The following MTA1 variants were observed in gnomAD, a reference collection of about 807,000 sequenced individuals.
MTA1 encodes the protein metastasis-associated protein MTA1.
Under a neutral mutation model 97.0 loss-of-function variants are expected in MTA1, and 15 were observed. The observed-to-expected ratio is 0.15, with a 90% CI of 0.10 to 0.24. The LOEUF (loss-of-function observed/expected upper bound fraction) is 0.24, where lower values mean the gene tolerates loss of function less well. Among genes scored for constraint, MTA1 ranks in the 10% least tolerant of loss-of-function variants. MTA1 has a pLI of 1.00. For synonymous variants in MTA1, 435 were observed against 417.5 expected (o/e 1.04, Z -0.51); for missense variants, 709 against 1,015.1 (o/e 0.70, Z 4.10).
intron 1 of MTA1, among the ~76,000 whole-genome samples, chr14:105,435,706 G>C (rs1182924957): frequency 2.0e-5 from 3 of 152,194 alleles, no homozygotes; most frequent in Non-Finnish European, 4.4e-5. Flanking sequence ...CAGAGTTCTT[G>C]TTGTTGTATT....
At chr14:105,448,978 C>T (rs1463173596) in intron 3 of MTA1, 2 of 193,294 alleles carry the variant, frequency 1.0e-5, no homozygotes, top group African/African-American at 4.7e-5. Flanking sequence ...TTATAAGAAC[C>T]CTACTTGGGT....
At chr14:105,458,743 C>T (rs587609329) in intron 8 of MTA1, among the ~76,000 whole-genome samples, 5 of 152,208 alleles carry the variant, frequency 3.3e-5, no homozygotes, top group Admixed American at 6.5e-5. Flanking sequence ...TGGGGCAGGG[C>T]GAAGGCCGAG....
intron 3 of MTA1, 112 bp downstream of exon 3, chr14:105,445,623 C>G (rs1228885558): frequency 9.7e-7 from 1 of 1,031,776 alleles, no homozygotes; most frequent in Admixed American, 2.0e-5. Flanking sequence ...TGGGGCCACC[C>G]TCTGCCCAAC....
chr14:105,465,549 C>T (rs1042066200), intron 16 of MTA1: 9 of 176,084 alleles, frequency 5.1e-5, no homozygotes, highest in Non-Finnish European at 9.5e-5. Flanking sequence ...GGTGCACACC[C>T]CTGCCTGTAA....
At chr14:105,451,762 C>T (rs587632530) in intron 6 of MTA1, among the ~76,000 whole-genome samples, 14 of 148,056 alleles carry the variant, frequency 9.5e-5, no homozygotes, top group Non-Finnish European at 1.6e-4. Context: ...GCCCTTCCCC[C>T]CTTTTTCTTT....
intron 3 of MTA1, chr14:105,449,090 G>A: frequency 2.2e-6 from 1 of 452,732 alleles, no homozygotes; most frequent in Non-Finnish European, 3.9e-6. Flanking sequence ...GGGGGCAGGG[G>A]TGGCCTCTGG....
rs377734033 is a variant in MTA1, at chr14:105,445,397, G to A, written c.97-21G>A. On this transcript the variant is annotated intron_variant, in intron 2 of 20. Transcript: ENST00000331320. The stretch of plus-strand genomic sequence containing the variant: ...CCGGGTTTGGTCGCGTTTCTCAGAC[G>A]CCCCTGCCTTGCTGTTACAGACGGC... 58 of 1,610,680 alleles carry A rather than the reference G, an allele frequency of 3.6e-5. 1 individual carries two copies. The East Asian group carries it at 4.5e-4, about 12-fold the overall frequency.
chr14:105,431,657 G>A lies in MTA1; in HGVS notation c.29-7015G>A, dbSNP rs112971543. On this transcript the variant is annotated intron_variant, in intron 1 of 20. Coordinates refer to ENST00000331320, the MANE Select transcript of MTA1 (RefSeq NM_004689.4). Reference sequence around the variant, plus strand: ...TTTTTACTTTTTGAGGTGGAGTCTCGCCCTGTTGCCCAGGCAGCAGTGCAG... The same window carrying A: ...TTTTTACTTTTTGAGGTGGAGTCTCACCCTGTTGCCCAGGCAGCAGTGCAG... 4.6e-5 allele frequency among the ~76,000 whole-genome samples: 7 copies of A among 152,090 alleles called. No individual in the cohort carries two copies. In the East Asian group the frequency reaches 5.8e-4, roughly 13 times the overall value.
At position 105,466,760 on chromosome 14, in the gene MTA1, G is replaced by A. The variant is rs782687626; in HGVS notation, c.1813+18G>A. On this transcript the variant is annotated intron_variant, in intron 18 of 20. Transcript: ENST00000331320. Reference sequence around the variant, plus strand: ...CAGTAGGGGTAAGGCCTGGAGCCGCGGGCGGGCGCTGCGCCGGCCCCGCCC... The same window carrying A: ...CAGTAGGGGTAAGGCCTGGAGCCGCAGGCGGGCGCTGCGCCGGCCCCGCCC... 7.7e-6 allele frequency: 12 copies of A among 1,566,092 alleles called. 1 individual carries two copies. The highest frequency in any genetic ancestry group is 2.2e-4 in the Middle Eastern group (1 of 4,454).
In MTA1 at chr14:105,464,805, G is replaced by C; in HGVS notation, c.1476G>C (p.Pro492=). 1 of 1,604,084 alleles carries C rather than the reference G, an allele frequency of 6.2e-7. No individual in the cohort carries two copies. Among genetic ancestry groups the C allele is most frequent in the Non-Finnish European group, 8.5e-7 (1 of 1,173,300 alleles). Residue 492 remains proline, a synonymous_variant, in exon 15 of 21, where the codon CCG becomes CCC. Transcript: ENST00000331320. ...GCCTGTGCCGTGAGATCCTGCGCCC[G>C]TGGCACGCTGCGCGGCACCCCTACC... ...ARRLCREILR[P]WHAARHPYLP... is the part of the protein sequence containing the mutation.
At chr14:105,466,630 GGCCCGTCCCC>G in intron 17 of MTA1, 52 bp downstream of exon 17, 1 of 1,576,902 alleles carries the variant, frequency 6.3e-7, no homozygotes, top group Non-Finnish European at 8.6e-7. Context: ...CGGTGAGTCC[GGCCCGTCCCC>G]GCCCGGGCAC....
At position 105,445,594 on chromosome 14, in the gene MTA1, C is replaced by T. The variant is rs587657638; in HGVS notation, c.190+83C>T. 9.9e-5 allele frequency: 141 copies of T among 1,426,064 alleles called. 2 individuals are homozygous for T. The South Asian group carries it at 1.6e-3, about 16-fold the overall frequency. 88.3% of individuals were successfully genotyped at this position (1,426,064 alleles called of 1,614,324 possible). On this transcript the variant is annotated intron_variant, in intron 3 of 20. Coordinates refer to ENST00000331320, the MANE Select transcript of MTA1 (RefSeq NM_004689.4). ...GGCGGGGTCCTTCTTCCCTAGGGCC[C>T]ATCGGCATCCTGGCCTCGTGGGGCC... is the stretch of plus-strand genomic sequence containing the variant.
chr14:105,468,443 C>T (rs1350441084), intron 18 of MTA1: 41 of 1,179,148 alleles, frequency 3.5e-5, no homozygotes, highest in Non-Finnish European at 4.3e-5. Context: ...TTGGGAGCGC[C>T]GCAGATCAGG....
intron 2 of MTA1, among the ~76,000 whole-genome samples, chr14:105,441,025 C>A (rs782239731): frequency 6.6e-6 from 1 of 152,198 alleles, no homozygotes; most frequent in African/African-American, 2.4e-5. Context: ...GACTGGGCAA[C>A]CTGAGAGGCC....
Position 105,422,907 on chromosome 14 carries a change from G to T in MTA1, c.28+2844G>T, listed in dbSNP as rs1037748275. ...AGCGGATGGCCTGGGCAAGGGTGGC[G>T]GGGTCAGGGTTCCCTGACCTCTGCT... On this transcript the variant is annotated intron_variant, in intron 1 of 20. Transcript: ENST00000331320. The surrounding 1 kb of genome is among the most constrained non-coding windows in gnomAD (Gnocchi z 4.3). Among the ~76,000 whole-genome samples the T allele has an allele frequency of 1.3e-5, 2 of 152,164 alleles. No individual in the cohort carries two copies. The highest frequency in any genetic ancestry group is 4.8e-5 in the African/African-American group (2 of 41,454).
intron 1 of MTA1, among the ~76,000 whole-genome samples, chr14:105,421,642 G>GC (rs1370442370): frequency 1.3e-5 from 2 of 152,204 alleles, no homozygotes; most frequent in East Asian, 1.9e-4. Context: ...CAGCCTGGCT[G>GC]CCCCCCCTCC....
At chr14:105,469,780 C>T (rs587686197) in intron 19 of MTA1, 61 bp from the exon 20 acceptor site, 2 of 1,559,536 alleles carry the variant, frequency 1.3e-6, no homozygotes, top group East Asian at 2.4e-5. Context: ...AGCGGGAGCC[C>T]TGCAGGTTGA....
At chr14:105,432,385 C>T (rs2082202316) in intron 1 of MTA1, among the ~76,000 whole-genome samples, 1 of 152,048 alleles carries the variant, frequency 6.6e-6, no homozygotes, top group Admixed American at 6.5e-5. Flanking sequence ...GGATTACAGG[C>T]ACATGCCACC....
intron 2 of MTA1, among the ~76,000 whole-genome samples, chr14:105,442,190 A>C (rs992232811): frequency 1.3e-5 from 2 of 152,236 alleles, no homozygotes; most frequent in Non-Finnish European, 2.9e-5. Context: ...AAAGTGGGTC[A>C]CACACGAAGC....
Sources: allele counts gnomAD v4.1 joint callset (sites outside exome capture counted in the v4.1 genomes callset), GRCh38; gene constraint gnomAD v4.1.1; non-coding constraint Gnocchi (gnomAD v3.1); transcripts MANE v1.5; gene names NCBI Gene and HGNC (gene_info 2026-07-23, HGNC 2026-07-21).